KIAA1328: variants seen among roughly 807,000 people sequenced by gnomAD.
KIAA1328 encodes KIAA1328.
In KIAA1328, 52 loss-of-function variants were observed where a neutral mutation model predicts 68.1. The observed-to-expected ratio is 0.76, with a 90% CI of 0.61 to 0.96. The LOEUF is 0.96. KIAA1328 is among the 40% of genes least tolerant of loss of function. The pLI is 0.00. For synonymous variants in KIAA1328, 232 were observed against 239.4 expected (o/e 0.97, Z 0.28); for missense variants, 641 against 677.6 (o/e 0.95, Z 0.60).
chr18:36,865,946 C>A (rs1377643440), intron 4 of KIAA1328, among the ~76,000 whole-genome samples: 1 of 152,190 alleles, frequency 6.6e-6, no homozygotes, highest in African/African-American at 2.4e-5. Flanking sequence ...CAGGCTTTGT[C>A]ATTCCACATC....
At chr18:37,004,684 A>G (rs2053713244) in intron 6 of KIAA1328, among the ~76,000 whole-genome samples, 1 of 152,128 alleles carries the variant, frequency 6.6e-6, no homozygotes, top group South Asian at 2.1e-4. Context: ...TATGGGAAAC[A>G]GTGTGGCAAT....
Position 37,067,380 on chromosome 18 carries a change from A to C in KIAA1328, c.1067A>C (p.Glu356Ala), listed in dbSNP as rs2056378546. The change falls in exon 7 of 10, where the codon GAA (glutamate) becomes GCA (alanine). Residue 356 changes from glutamate to alanine, a missense_variant. Transcript: ENST00000280020. ...VHGGGALQPIETLKKQISEDR... is the reference protein window; with the variant it reads ...VHGGGALQPIATLKKQISEDR... ...GGTGGTGGGGCACTGCAACCCATTG[A>C]AACTTTGAAAAAGCAGATCTCAGAA... 6.2e-7 allele frequency: 1 copy of C among 1,613,470 alleles called. No individual in the cohort carries two copies. Among genetic ancestry groups the C allele is most frequent in the Non-Finnish European group, 8.5e-7 (1 of 1,179,696 alleles).
At position 37,224,688 on chromosome 18, in the gene KIAA1328, G is replaced by A; in HGVS notation, c.*2461G>A. On this transcript the variant is annotated 3_prime_UTR_variant, in exon 10 of 10. Transcript: ENST00000280020. ...CCCAAGAGAAAGGATCTGGCACAAA[G>A]GAATCTGCCTTTCCTCCGTCTCAAG... The A allele has an allele frequency of 1.0e-6, 1 of 985,400 alleles. No homozygotes were observed. Among genetic ancestry groups the A allele is most frequent in the Non-Finnish European group, 1.2e-6 (1 of 829,936 alleles). 61.0% of individuals were successfully genotyped at this position (985,400 alleles called of 1,614,324 possible).
chr18:37,156,191 G>A (rs1005197091), intron 7 of KIAA1328, among the ~76,000 whole-genome samples: 3 of 152,006 alleles, frequency 2.0e-5, no homozygotes, highest in African/African-American at 7.2e-5. Context: ...CAGATCACCT[G>A]AGGTCGGGAG....
rs967736218 is a variant in KIAA1328 at position 37,225,054 on chromosome 18, G to C, written c.*2827G>C. 2 of 985,288 alleles carry C rather than the reference G, an allele frequency of 2.0e-6. No homozygotes were observed. Among genetic ancestry groups the C allele is most frequent in the East Asian group, 2.3e-4 (2 of 8,818 alleles). 61.0% of individuals were successfully genotyped at this position (985,288 alleles called of 1,614,324 possible). ...TTTCTAGAGCACCCCAAATGTCATGGGGAGAGAGGGACTCTTTCTGCTCCC... is the reference window on the plus strand; with the variant it reads ...TTTCTAGAGCACCCCAAATGTCATGCGGAGAGAGGGACTCTTTCTGCTCCC... On this transcript the variant is annotated 3_prime_UTR_variant, in exon 10 of 10. Coordinates refer to ENST00000280020, the MANE Select transcript of KIAA1328 (RefSeq NM_020776.3).
intron 6 of KIAA1328, among the ~76,000 whole-genome samples, chr18:37,002,223 T>TTTTTC (rs1269049961): frequency 7.9e-6 from 1 of 126,670 alleles, no homozygotes; most frequent in African/African-American, 2.8e-5. Context: ...TCTTCATTTT[T>TTTTTC]TTTTCTTTTT....
chr18:36,976,078 G>A (rs2052460298), intron 6 of KIAA1328, among the ~76,000 whole-genome samples: 1 of 152,206 alleles, frequency 6.6e-6, no homozygotes, highest in Non-Finnish European at 1.5e-5. Flanking sequence ...ACTTTCTGAT[G>A]ATGTAACTGT....
chr18:37,139,036 A>G (rs2058709236), intron 7 of KIAA1328, among the ~76,000 whole-genome samples: 1 of 139,774 alleles, frequency 7.2e-6, no homozygotes, highest in Admixed American at 8.1e-5. Flanking sequence ...GGCTCACTGC[A>G]AGCTCCGCCT....
At chr18:36,979,891 T>G (rs918791823) in intron 6 of KIAA1328, among the ~76,000 whole-genome samples, 1 of 152,230 alleles carries the variant, frequency 6.6e-6, no homozygotes, top group Admixed American at 6.5e-5. Context: ...GTTGGAAACT[T>G]AATCCCCAGT....
At chr18:37,044,373 G>A (rs1393513224) in intron 6 of KIAA1328, among the ~76,000 whole-genome samples, 3 of 152,062 alleles carry the variant, frequency 2.0e-5, no homozygotes, top group Admixed American at 6.5e-5. Context: ...TGATAGGAAC[G>A]TGGTAAAGGA....
chr18:37,176,527 G>A (rs1329408277), intron 9 of KIAA1328, among the ~76,000 whole-genome samples: 1 of 152,184 alleles, frequency 6.6e-6, no homozygotes, highest in Non-Finnish European at 1.5e-5. Context: ...CCTAAGCTGC[G>A]TAAGAGAATA....
rs184147125 is a variant in KIAA1328 at position 36,997,710 on chromosome 18, C to T, written c.576+38275C>T. Among the ~76,000 whole-genome samples, 42 of 152,258 alleles carry T rather than the reference C, an allele frequency of 2.8e-4. No homozygotes were observed. In the East Asian group the frequency reaches 5.0e-3, roughly 18 times the overall value. ...AACTCAGGCTGTTGCTACTGAGACTCGGGCAAGAGCTGGTAGGGCTCCTGT... is the reference window on the plus strand; with the variant it reads ...AACTCAGGCTGTTGCTACTGAGACTTGGGCAAGAGCTGGTAGGGCTCCTGT... On this transcript the variant is annotated intron_variant, in intron 6 of 9. Transcript: ENST00000280020.
intron 6 of KIAA1328, among the ~76,000 whole-genome samples, chr18:36,976,817 C>A (rs1447785417): frequency 1.3e-5 from 2 of 152,140 alleles, no homozygotes; most frequent in Non-Finnish European, 2.9e-5. Context: ...AGAAGGAAAT[C>A]TCTGAAAGTG....
At chr18:37,060,834 C>A (rs957136902) in intron 6 of KIAA1328, among the ~76,000 whole-genome samples, 1 of 151,952 alleles carries the variant, frequency 6.6e-6, no homozygotes, top group Non-Finnish European at 1.5e-5. Flanking sequence ...TACTATGCAG[C>A]GGGCTGAGCG....
intron 6 of KIAA1328, among the ~76,000 whole-genome samples, chr18:36,959,943 T>C (rs1598827040): frequency 6.6e-6 from 1 of 152,220 alleles, no homozygotes; most frequent in Non-Finnish European, 1.5e-5. Flanking sequence ...TGTACACTTA[T>C]CACCAAATGG....
At chr18:37,161,411 G>C (rs915027490) in intron 8 of KIAA1328, among the ~76,000 whole-genome samples, 1 of 152,162 alleles carries the variant, frequency 6.6e-6, no homozygotes, top group Non-Finnish European at 1.5e-5. Flanking sequence ...ATTGAGAAAT[G>C]ATAATTAGTT....
chr18:36,852,448 G>A (rs182780576), intron 4 of KIAA1328, among the ~76,000 whole-genome samples: 7 of 152,160 alleles, frequency 4.6e-5, no homozygotes, highest in African/African-American at 1.4e-4. Context: ...TGCGTCTGTC[G>A]CCCAGTAGTA....
chr18:37,104,259 A>AT (rs1208382690), intron 7 of KIAA1328, among the ~76,000 whole-genome samples: 1 of 152,252 alleles, frequency 6.6e-6, no homozygotes, highest in Non-Finnish European at 1.5e-5. Flanking sequence ...AAGATATGGA[A>AT]TCAACCTGTG....
intron 9 of KIAA1328, among the ~76,000 whole-genome samples, chr18:37,182,027 G>A (rs1215744947): frequency 6.6e-6 from 1 of 152,088 alleles, no homozygotes; most frequent in Non-Finnish European, 1.5e-5. Flanking sequence ...CCCAGCAATA[G>A]ATGAGGATTA....
Sources: gnomAD v4.1 joint callset for allele counts (sites outside exome capture counted in the v4.1 genomes callset) on GRCh38, gnomAD v4.1.1 for gene constraint, MANE v1.5 for transcripts, NCBI Gene and HGNC (gene_info 2026-07-23, HGNC 2026-07-21) for gene names.